Variants in SCMH1 observed in about 807,000 individuals in gnomAD.
SCMH1 encodes Scm polycomb group protein homolog 1.
In SCMH1, 37 loss-of-function variants were observed where a neutral mutation model predicts 70.8. That is an observed-to-expected ratio of 0.52 (90% CI 0.40 to 0.69). SCMH1 has a LOEUF of 0.69. Among genes scored for constraint, SCMH1 ranks in the 30% least tolerant of loss-of-function variants. The pLI, the probability that SCMH1 is intolerant of heterozygous loss-of-function variation, is 0.00. For synonymous variants in SCMH1, 292 were observed against 307.4 expected (o/e 0.95, Z 0.52); for missense variants, 607 against 827.3 (o/e 0.73, Z 3.27).
intron 1 of SCMH1, among the ~76,000 whole-genome samples, chr1:41,208,342 G>A (rs1656089313): frequency 7.4e-6 from 1 of 135,942 alleles, no homozygotes; most frequent in African/African-American, 2.8e-5. Flanking sequence ...CACATTAGTG[G>A]GTGCAGCGCA....
exon 15 of SCMH1, chr1:41,027,804 C>T (rs1643968842): frequency 5.3e-6 from 1 of 187,556 alleles, no homozygotes; most frequent in South Asian, 1.7e-4. Context: ...TCAGGGGAAT[C>T]TGGTGAGAAG....
At chr1:41,229,013 C>T (rs571897307) in intron 1 of SCMH1, among the ~76,000 whole-genome samples, 4 of 151,992 alleles carry the variant, frequency 2.6e-5, no homozygotes, top group Admixed American at 6.5e-5. Context: ...CTGACCAACA[C>T]GGTGAAACCG....
At chr1:41,090,232 T>C (rs1663005512) in intron 8 of SCMH1, among the ~76,000 whole-genome samples, 1 of 152,326 alleles carries the variant, frequency 6.6e-6, no homozygotes, top group African/African-American at 2.4e-5. Flanking sequence ...AAAACTTAGA[T>C]ACAATATGAA....
intron 1 of SCMH1, among the ~76,000 whole-genome samples, chr1:41,205,813 G>A (rs1029304880): frequency 6.6e-6 from 1 of 152,204 alleles, no homozygotes; most frequent in Non-Finnish European, 1.5e-5. Flanking sequence ...CCTCTAGGAC[G>A]AAGCTTCCAG....
At chr1:41,171,971 C>G (rs1646808854) in intron 2 of SCMH1, among the ~76,000 whole-genome samples, 1 of 152,106 alleles carries the variant, frequency 6.6e-6, no homozygotes, top group African/African-American at 2.4e-5. Context: ...ACAGAAGTAT[C>G]ACTTGAGCCC....
At chr1:41,116,548 G>A (rs1212472482) in intron 7 of SCMH1, among the ~76,000 whole-genome samples, 1 of 152,058 alleles carries the variant, frequency 6.6e-6, no homozygotes, top group Non-Finnish European at 1.5e-5. Flanking sequence ...ACATATCGTA[G>A]GCAATAAAAA....
chr1:41,152,638 G>A, intron 4 of SCMH1: 1 of 1,614,186 alleles, frequency 6.2e-7, no homozygotes, highest in Non-Finnish European at 8.5e-7. Flanking sequence ...AGGTCCCAGA[G>A]AATCTCACAA....
In SCMH1 at chr1:41,198,468, G is replaced by A. The variant is rs951304658; in HGVS notation, c.-117-12218C>T. On this transcript the variant is annotated intron_variant, in intron 1 of 14. Coordinates refer to ENST00000337495, the Ensembl canonical transcript of SCMH1. Reference sequence around the variant, plus strand: ...TTTATATCCTACACATTGTCTAGCAGTGCTTAGCAGAAGAAGTAACTTCCT... The same window carrying A: ...TTTATATCCTACACATTGTCTAGCAATGCTTAGCAGAAGAAGTAACTTCCT... Among the ~76,000 whole-genome samples the A allele has an allele frequency of 2.0e-5, 3 of 152,314 alleles. No homozygotes were observed. The South Asian group carries it at 6.2e-4, about 32-fold the overall frequency.
chr1:41,238,934 T>A (rs1388098875), intron 1 of SCMH1, among the ~76,000 whole-genome samples: 1 of 152,138 alleles, frequency 6.6e-6, no homozygotes, highest in Admixed American at 6.5e-5. Flanking sequence ...TCCTTAGTCA[T>A]CCAAGGCAAA....
At chr1:41,173,340 G>C (rs1003369540) in intron 2 of SCMH1, among the ~76,000 whole-genome samples, 2 of 152,186 alleles carry the variant, frequency 1.3e-5, no homozygotes, top group East Asian at 3.9e-4. Flanking sequence ...AGAAGACATA[G>C]AAATGGCTAA....
intron 12 of SCMH1, among the ~76,000 whole-genome samples, chr1:41,045,212 T>G (rs1423548508): frequency 3.9e-5 from 6 of 152,154 alleles, no homozygotes; most frequent in Admixed American, 3.9e-4. Flanking sequence ...TCTCAGAGAC[T>G]CTGGTACTGA....
intron 8 of SCMH1, among the ~76,000 whole-genome samples, chr1:41,077,899 A>G (rs1474950680): frequency 6.6e-6 from 1 of 152,224 alleles, no homozygotes; most frequent in Non-Finnish European, 1.5e-5. Context: ...AAACAGTGTG[A>G]TCAGTAATCA....
intron 1 of SCMH1, among the ~76,000 whole-genome samples, chr1:41,189,765 A>G (rs898911957): frequency 1.3e-5 from 2 of 152,222 alleles, no homozygotes; most frequent in Admixed American, 6.5e-5. Flanking sequence ...ATTTCCTTTA[A>G]CAAGTAATGC....
At chr1:41,193,086 T>C (rs1421327045) in intron 1 of SCMH1, among the ~76,000 whole-genome samples, 1 of 152,250 alleles carries the variant, frequency 6.6e-6, no homozygotes, top group African/African-American at 2.4e-5. Flanking sequence ...CTGTGGGCCA[T>C]AGATTGCCAA....
chr1:41,208,106 A>T (rs1309173192), intron 1 of SCMH1, among the ~76,000 whole-genome samples: 2 of 113,522 alleles, frequency 1.8e-5, no homozygotes, highest in African/African-American at 6.8e-5. Context: ...ATAAAAAATG[A>T]TGAGTTCATA....
In SCMH1 at chr1:41,116,308, AC is replaced by A. The variant is rs1670459017; in HGVS notation, c.501+613del. Among the ~76,000 whole-genome samples, 4 of 152,312 alleles carry A rather than the reference AC, an allele frequency of 2.6e-5. No homozygotes were observed. In the South Asian group the frequency reaches 8.3e-4, roughly 32 times the overall value. ...ACCTAATTTAATACCCTTTACAGTA[AC>A]TTTTACCCCATTAGAAAATTCAACT... On this transcript the variant is annotated intron_variant, in intron 7 of 14. Coordinates refer to ENST00000337495, the Ensembl canonical transcript of SCMH1.
intron 5 of SCMH1, among the ~76,000 whole-genome samples, chr1:41,146,465 G>A (rs922748091): frequency 2.6e-5 from 4 of 152,074 alleles, no homozygotes; most frequent in Non-Finnish European, 4.4e-5. Context: ...CTCACCCAGA[G>A]CAATTTCCAG....
chr1:41,073,033 A>C (rs1004766320), intron 9 of SCMH1, among the ~76,000 whole-genome samples: 2 of 152,200 alleles, frequency 1.3e-5, no homozygotes, highest in Non-Finnish European at 2.9e-5. Context: ...AGAAGGCTGG[A>C]AAGAAAAAGG....
At chr1:41,160,007 T>A (rs1645884090) in intron 4 of SCMH1, 5 of 341,770 alleles carry the variant, frequency 1.5e-5, no homozygotes, top group Admixed American at 5.0e-5. Context: ...GTCACAAAGT[T>A]ACTAAGTGGC....
Sources: allele counts gnomAD v4.1 joint callset (sites outside exome capture counted in the v4.1 genomes callset), GRCh38; gene constraint gnomAD v4.1.1; transcripts MANE v1.5; gene names NCBI Gene and HGNC (gene_info 2026-07-23, HGNC 2026-07-21).